MGAT4C: variants seen among roughly 807,000 people sequenced by gnomAD.
MGAT4C encodes the protein MGAT4 family member C.
MGAT4C carries 19 observed loss-of-function variants against 40.1 expected under a neutral mutation model. The observed-to-expected ratio is 0.47, with a 90% CI of 0.33 to 0.70. The LOEUF is 0.70. Ranked by LOEUF, MGAT4C falls within the 30% of genes least tolerant of loss-of-function variation. The pLI is 0.02. For synonymous variants in MGAT4C, 181 were observed against 187.1 expected, an observed-to-expected ratio of 0.97 and a Z score of 0.27; for missense variants, 491 against 563.2, an observed-to-expected ratio of 0.87 and a Z score of 1.30.
chr12:86,196,129 G>A (rs1001002801), intron 1 of MGAT4C, among the ~76,000 whole-genome samples: 5 of 152,132 alleles, frequency 3.3e-5, no homozygotes, highest in South Asian at 2.1e-4. Context: ...GTGCCAGCAA[G>A]GTTGGTTTCT....
At chr12:86,494,496 TAATAA>T (rs1441841035) in intron 2 of MGAT4C, among the ~76,000 whole-genome samples, 2 of 151,728 alleles carry the variant, frequency 1.3e-5, no homozygotes, top group African/African-American at 2.4e-5. Flanking sequence ...TAAATCAAAA[TAATAA>T]AATAGTGATA....
chr12:85,994,635 A>T (rs550370907), intron 2 of MGAT4C, among the ~76,000 whole-genome samples: 92 of 152,222 alleles, frequency 6.0e-4, no homozygotes, highest in African/African-American at 2.0e-3. Flanking sequence ...CCGCCAAAAA[A>T]CAAACAAAAA....
At chr12:86,105,653 A>T (rs931200077) in intron 1 of MGAT4C, among the ~76,000 whole-genome samples, 1 of 152,182 alleles carries the variant, frequency 6.6e-6, no homozygotes, top group Non-Finnish European at 1.5e-5. Flanking sequence ...TTAAGGAAAC[A>T]TTATTAGCCA....
intron 1 of MGAT4C, among the ~76,000 whole-genome samples, chr12:86,786,329 A>G (rs1951930647): frequency 6.6e-6 from 1 of 152,112 alleles, no homozygotes; most frequent in Non-Finnish European, 1.5e-5. Context: ...TTTCTAACAA[A>G]TGGTTGAATC....
chr12:86,190,986 T>G (rs544952380), intron 1 of MGAT4C, among the ~76,000 whole-genome samples: 4 of 152,078 alleles, frequency 2.6e-5, no homozygotes, highest in African/African-American at 9.6e-5. Flanking sequence ...ATGTCAACTC[T>G]TAGCTGAGTT....
intron 2 of MGAT4C, among the ~76,000 whole-genome samples, chr12:86,554,131 CAT>C (rs1173149889): frequency 9.6e-5 from 3 of 31,184 alleles, no homozygotes; most frequent in African/African-American, 5.0e-4. Flanking sequence ...CATACACATA[CAT>C]ACACACACAC....
In MGAT4C at chr12:85,975,747, C is replaced by T. The variant is rs926743284; in HGVS notation, c.*3542G>A. On this transcript the variant is annotated 3_prime_UTR_variant, in exon 5 of 5. Transcript: ENST00000611864. ...AATATTAAATCTTACAAGAAACCCC[C>T]CAAAATCAGTTGAATTTGTACAAAA... 5.3e-5 allele frequency: 8 copies of T among 150,806 alleles called. No individual in the cohort carries two copies. The highest frequency in any genetic ancestry group is 1.9e-4 in the African/African-American group (8 of 41,262). 9.3% of individuals were successfully genotyped at this position (150,806 alleles called of 1,614,324 possible).
At chr12:86,133,819 C>T (rs941151370) in intron 1 of MGAT4C, among the ~76,000 whole-genome samples, 1 of 151,888 alleles carries the variant, frequency 6.6e-6, no homozygotes, top group African/African-American at 2.4e-5. Flanking sequence ...TTGCAATAGA[C>T]CTTTTGGATG....
intron 1 of MGAT4C, among the ~76,000 whole-genome samples, chr12:86,820,543 A>C (rs1462392970): frequency 1.3e-5 from 2 of 150,884 alleles, no homozygotes; most frequent in African/African-American, 4.8e-5. Context: ...CTGTAAGAAG[A>C]AGAATCACAG....
chr12:86,556,650 A>AT lies in MGAT4C; in HGVS notation c.-228-121386dup, dbSNP rs555093017. 8.5e-3 allele frequency among the ~76,000 whole-genome samples: 1,294 copies of AT among 152,236 alleles called. 7 individuals are homozygous for AT. Among genetic ancestry groups the AT allele is most frequent in the Non-Finnish European group, 0.014 (956 of 68,004 alleles). ...AATGCATGCAGTAATTATTGCTGATATTTTTTCCTTTAATATGCATTAAGT... is the reference window on the plus strand; with the variant it reads ...AATGCATGCAGTAATTATTGCTGATATTTTTTTCCTTTAATATGCATTAAGT... On this transcript the variant is annotated intron_variant, in intron 2 of 7. Coordinates refer to the MGAT4C transcript ENST00000548651.
chr12:86,763,737 G>A (rs995039944), intron 1 of MGAT4C, among the ~76,000 whole-genome samples: 1 of 152,088 alleles, frequency 6.6e-6, no homozygotes, highest in African/African-American at 2.4e-5. Context: ...TGTGTGTGTT[G>A]TATATGGTAT....
intron 2 of MGAT4C, among the ~76,000 whole-genome samples, chr12:86,030,276 T>C (rs1038033510): frequency 6.6e-6 from 1 of 151,780 alleles, no homozygotes; most frequent in African/African-American, 2.4e-5. Flanking sequence ...ATTTGTATGA[T>C]GTTTATGTGT....
At chr12:86,758,633 G>C (rs1199362715) in intron 1 of MGAT4C, among the ~76,000 whole-genome samples, 1 of 151,870 alleles carries the variant, frequency 6.6e-6, no homozygotes, top group African/African-American at 2.4e-5. Context: ...TGGCTTCATA[G>C]GTTTCTGCAT....
At chr12:86,526,478 G>A (rs1253389175) in intron 2 of MGAT4C, among the ~76,000 whole-genome samples, 1 of 152,094 alleles carries the variant, frequency 6.6e-6, no homozygotes, top group Non-Finnish European at 1.5e-5. Context: ...TGGCCATGAG[G>A]GCTGCCCTGC....
rs141667317 is a variant in MGAT4C, at chr12:86,231,131, G to T, written c.-57+25108C>A. Among the ~76,000 whole-genome samples, 3 of 152,238 alleles carry T rather than the reference G, an allele frequency of 2.0e-5. No homozygotes were observed. In the East Asian group the frequency reaches 5.8e-4, roughly 29 times the overall value. ...ACATAATGTGTTAGAAATCTGTGGAGATTATAAATCAGATTTTTCTGACTA... is the reference window on the plus strand; with the variant it reads ...ACATAATGTGTTAGAAATCTGTGGATATTATAAATCAGATTTTTCTGACTA... On this transcript the variant is annotated intron_variant, in intron 1 of 4. Coordinates refer to ENST00000611864, the MANE Select transcript of MGAT4C (RefSeq NM_001351288.2).
intron 1 of MGAT4C, among the ~76,000 whole-genome samples, chr12:86,064,566 C>G (rs1039657595): frequency 6.6e-5 from 10 of 152,110 alleles, no homozygotes; most frequent in South Asian, 6.2e-4. Context: ...TTTAAAACAG[C>G]ATATAGAGGG....
At chr12:86,399,031 C>T (rs943164654) in intron 3 of MGAT4C, among the ~76,000 whole-genome samples, 2 of 152,174 alleles carry the variant, frequency 1.3e-5, no homozygotes, top group Non-Finnish European at 2.9e-5. Flanking sequence ...AGTGCAGTGG[C>T]GCCATCCTGA....
intron 3 of MGAT4C, among the ~76,000 whole-genome samples, chr12:86,409,565 C>T (rs1267907393): frequency 6.6e-6 from 1 of 152,138 alleles, no homozygotes; most frequent in Non-Finnish European, 1.5e-5. Flanking sequence ...ATTACTTCTA[C>T]AAGGACTTCA....
At chr12:86,587,981 C>G (rs1227994619) in intron 2 of MGAT4C, among the ~76,000 whole-genome samples, 1 of 151,976 alleles carries the variant, frequency 6.6e-6, no homozygotes, top group Non-Finnish European at 1.5e-5. Flanking sequence ...ACTTCCAACA[C>G]TATGTTGAAT....
Sources: allele counts gnomAD v4.1 joint callset (sites outside exome capture counted in the v4.1 genomes callset), GRCh38; gene constraint gnomAD v4.1.1; transcripts MANE v1.5; gene names NCBI Gene and HGNC (gene_info 2026-07-23, HGNC 2026-07-21).